IL4R: variants seen among roughly 807,000 people sequenced by gnomAD.
The protein encoded by IL4R is interleukin 4 receptor.
IL4R carries 17 observed loss-of-function variants against 41.5 expected under a neutral mutation model. The ratio of observed to expected loss-of-function variants is 0.41; its 90% confidence interval spans 0.28 to 0.61. The LOEUF is 0.61. Among genes scored for constraint, IL4R ranks in the 20% least tolerant of loss-of-function variants. The pLI is 0.31. For synonymous variants in IL4R, 402 were observed against 422.9 expected (o/e 0.95, Z 0.61); for missense variants, 974 against 1,043.1 (o/e 0.93, Z 0.91).
At chr16:27,352,368 G>A (rs1325727559) in intron 6 of IL4R, among the ~76,000 whole-genome samples, 172 bp from the exon 7 acceptor site, 2 of 152,164 alleles carry the variant, frequency 1.3e-5, no homozygotes, top group African/African-American at 2.4e-5. Flanking sequence ...TGTTGCTGTA[G>A]CCTGGTCACA....
intron 4 of IL4R, 92 bp from the exon 5 acceptor site, chr16:27,344,777 C>A: frequency 7.8e-7 from 1 of 1,283,760 alleles, no homozygotes; most frequent in Non-Finnish European, 1.1e-6. Flanking sequence ...CTGGAAGAGT[C>A]TGATGCGGTT....
chr16:27,359,021 G>T (rs775096711), intron 9 of IL4R, 27 bp downstream of exon 9: 7 of 1,542,348 alleles, frequency 4.5e-6, no homozygotes, highest in Non-Finnish European at 6.3e-6. Flanking sequence ...ATGAGGACAT[G>T]TGGGACTGTG....
intron 1 of IL4R, 133 bp downstream of exon 1, chr16:27,314,153 C>A: frequency 2.1e-6 from 2 of 958,418 alleles, no homozygotes; most frequent in Non-Finnish European, 2.5e-6. Context: ...GGGGCCCGAG[C>A]CCGCGACTCT....
chr16:27,363,968 C>CAACGTCAGTGGGG lies in IL4R; in HGVS notation c.*138_*139insAACGTCAGTGGGG. On this transcript the variant is annotated 3_prime_UTR_variant, in exon 11 of 11. Transcript: ENST00000395762. ...GAACCATGGTATGAAGGTGATTGGC[C>CAACGTCAGTGGGG]CCACTGACGTTGGCCTAACACTGGG... 9.5e-7 allele frequency: 1 copy of CAACGTCAGTGGGG among 1,049,058 alleles called. No homozygotes were observed. The highest frequency in any genetic ancestry group is 1.4e-6 in the Non-Finnish European group (1 of 724,928). 65.0% of individuals were successfully genotyped at this position (1,049,058 alleles called of 1,614,324 possible). A position where few individuals can be genotyped will look rare whatever the true frequency, so the allele number is the denominator to read the frequency against.
chr16:27,342,601 A>C (rs1326957580), intron 4 of IL4R, among the ~76,000 whole-genome samples: 2 of 152,148 alleles, frequency 1.3e-5, no homozygotes, highest in Non-Finnish European at 2.9e-5. Context: ...TTCTATGTTT[A>C]CCTAATTAGA....
At chr16:27,358,588 C>T (rs552361643) in intron 8 of IL4R, among the ~76,000 whole-genome samples, 1 of 152,310 alleles carries the variant, frequency 6.6e-6, no homozygotes, top group South Asian at 2.1e-4. Context: ...TTTCCTAATC[C>T]CCTGGGGTCT....
At chr16:27,357,069 A>T (rs1353775614) in intron 8 of IL4R, among the ~76,000 whole-genome samples, 2 of 152,122 alleles carry the variant, frequency 1.3e-5, no homozygotes, top group African/African-American at 4.8e-5. Flanking sequence ...TATTAACATG[A>T]TTGATGAAAG....
At position 27,345,228 on chromosome 16, in the gene IL4R, G is replaced by T; in HGVS notation, c.361+208G>T. On this transcript the variant is annotated intron_variant, in intron 5 of 10. Coordinates refer to ENST00000395762, the MANE Select transcript of IL4R (RefSeq NM_000418.4). This position sits in a 1 kb window ranked among gnomAD's most constrained non-coding sequence, Gnocchi z 4.5. ...GGAGCTGGTCGCAGTAGACCACCAA[G>T]CCCCCTTCAGCCCAGCTGTTTCCAC... The T allele has an allele frequency of 1.4e-6, 1 of 697,078 alleles. No homozygotes were observed. The highest frequency in any genetic ancestry group is 2.6e-6 in the Non-Finnish European group (1 of 385,052). 43.2% of individuals were successfully genotyped at this position (697,078 alleles called of 1,614,324 possible). A position where few individuals can be genotyped will look rare whatever the true frequency, so the allele number is the denominator to read the frequency against.
At chr16:27,319,748 C>T (rs2084756474) in intron 1 of IL4R, among the ~76,000 whole-genome samples, 1 of 152,174 alleles carries the variant, frequency 6.6e-6, no homozygotes, top group Non-Finnish European at 1.5e-5. Context: ...TACAGCTGCT[C>T]CCCATCGCTC....
intron 6 of IL4R, among the ~76,000 whole-genome samples, chr16:27,351,726 G>A (rs3024603): frequency 0.068 from 10,268 of 152,054 alleles, 403 homozygotes; most frequent in Middle Eastern, 0.088. Flanking sequence ...TGTTGGCCAG[G>A]CTGGTCTTGA....
At chr16:27,341,234 G>C (rs2085430460) in intron 3 of IL4R, 2 of 670,770 alleles carry the variant, frequency 3.0e-6, no homozygotes, top group African/African-American at 3.6e-5. Flanking sequence ...TGGCCAGGAT[G>C]ACTCCAAGAT....
At chr16:27,327,436 G>A (rs1455242257) in intron 1 of IL4R, among the ~76,000 whole-genome samples, 1 of 152,132 alleles carries the variant, frequency 6.6e-6, no homozygotes, top group Non-Finnish European at 1.5e-5. Flanking sequence ...TTTAAAAAAA[G>A]TGAGTCAAGT....
Position 27,355,710 on chromosome 16 carries a change from C to G in IL4R, c.671-98C>G, listed in dbSNP as rs538380374. The G allele has an allele frequency of 6.4e-6, 5 of 775,546 alleles. No homozygotes were observed. The East Asian group carries it at 1.0e-4, about 16-fold the overall frequency. 48.0% of individuals were successfully genotyped at this position (775,546 alleles called of 1,614,324 possible). A position where few individuals can be genotyped will look rare whatever the true frequency, so the allele number is the denominator to read the frequency against. ...TCGGCGGTCAGATCGTGGAGGGTCT[C>G]GGACGAGGGTCCTGACCCTGGGTCT... On this transcript the variant is annotated intron_variant, in intron 7 of 10. Coordinates refer to ENST00000395762, the MANE Select transcript of IL4R (RefSeq NM_000418.4).
intron 3 of IL4R, among the ~76,000 whole-genome samples, chr16:27,340,530 T>C (rs992840305): frequency 1.7e-4 from 26 of 151,912 alleles, no homozygotes; most frequent in African/African-American, 5.8e-4. Flanking sequence ...CGAGGTCAGC[T>C]TGGGCAACAT....
At position 27,346,624 on chromosome 16, in the gene IL4R, T is replaced by C. The variant is rs1457104955; in HGVS notation, c.513+6T>C. ...GTGAAAACGACCCGGCAGATGTGAG[T>C]GGGCATGCTTTGACGTTTTTCTGTG... On this transcript the variant is annotated splice_donor_region_variant and intron_variant, in intron 6 of 10. Coordinates refer to ENST00000395762, the MANE Select transcript of IL4R (RefSeq NM_000418.4). 2.5e-6 allele frequency: 4 copies of C among 1,613,770 alleles called. No individual in the cohort carries two copies. The highest frequency in any genetic ancestry group is 2.5e-6 in the Non-Finnish European group (3 of 1,179,950).
intron 1 of IL4R, among the ~76,000 whole-genome samples, chr16:27,322,101 T>TC (rs1432403431): frequency 1.0e-5 from 1 of 98,596 alleles, no homozygotes. Context: ...TGTCACTATG[T>TC]GGTTTTTTTT....
At chr16:27,338,241 T>G (rs945359130) in intron 2 of IL4R, among the ~76,000 whole-genome samples, 1 of 149,474 alleles carries the variant, frequency 6.7e-6, no homozygotes, top group Non-Finnish European at 1.5e-5. Context: ...TTTCTTTTCT[T>G]TTTTTTTTAT....
chr16:27,313,884 G>T (rs535327953), upstream of IL4R: 2 of 982,498 alleles, frequency 2.0e-6, no homozygotes, highest in South Asian at 4.6e-5. Context: ...GCGCCGGGGC[G>T]GGGAGCAGGA....
chr16:27,337,589 T>C (rs1365767063), intron 2 of IL4R, among the ~76,000 whole-genome samples: 8 of 150,974 alleles, frequency 5.3e-5, no homozygotes, highest in Non-Finnish European at 1.2e-4. Flanking sequence ...TTTTTTTTTT[T>C]CTCTTTTTGC....
Sources: allele counts gnomAD v4.1 joint callset (sites outside exome capture counted in the v4.1 genomes callset), GRCh38; gene constraint gnomAD v4.1.1; non-coding constraint Gnocchi (gnomAD v3.1); transcripts MANE v1.5; gene names NCBI Gene and HGNC (gene_info 2026-07-23, HGNC 2026-07-21).